The following WWC1 variants were observed in gnomAD, a reference collection of about 807,000 sequenced individuals.
WWC1 encodes protein KIBRA.
WWC1 carries 55 observed loss-of-function variants against 138.4 expected under a neutral mutation model. The observed-to-expected ratio is 0.40, with a 90% CI of 0.32 to 0.50. The LOEUF (loss-of-function observed/expected upper bound fraction) is 0.50, where lower values mean the gene tolerates loss of function less well. Among genes scored for constraint, WWC1 ranks in the 20% least tolerant of loss-of-function variants. WWC1 has a pLI of 0.72. For missense variants in WWC1, 1,226 were observed against 1,420.4 expected (o/e 0.86, Z 2.20); for synonymous variants, 524 against 564.9 (o/e 0.93, Z 1.03).
chr5:168,428,154 G>GT lies in WWC1; in HGVS notation c.1919+14dup. 6.2e-7 allele frequency: 1 copy of GT among 1,609,900 alleles called. No homozygotes were observed. Among genetic ancestry groups the GT allele is most frequent in the Non-Finnish European group, 8.5e-7 (1 of 1,176,926 alleles). ...CTTCCGTGCAGAGGTAGGTGTCTGG[G>GT]TGCTGGCTCTCTCTGTGGCCCTGTA... is the stretch of plus-strand genomic sequence containing the variant. On this transcript the variant is annotated intron_variant, in intron 12 of 22. Coordinates refer to ENST00000265293, the MANE Select transcript of WWC1 (RefSeq NM_015238.3).
At position 168,423,598 on chromosome 5, in the gene WWC1, G is replaced by A; in HGVS notation, c.1340G>A (p.Gly447Asp). 6.2e-7 allele frequency: 1 copy of A among 1,614,068 alleles called. No homozygotes were observed. The highest frequency in any genetic ancestry group is 8.5e-7 in the Non-Finnish European group (1 of 1,180,008). Residue 447 changes from glycine to aspartate, a missense_variant, in exon 11 of 23, where the codon GGC becomes GAC. Transcript: ENST00000265293. ...SSPGSLTSSRGSLVASSLDSS... is the reference protein window; with the variant it reads ...SSPGSLTSSRDSLVASSLDSS... ...CCCGGATCCCTCACGTCCAGCCGGG[G>A]CTCCCTGGTTGCATCCAGCCTGGAC...
At chr5:168,302,163 C>G (rs1770145766) in intron 1 of WWC1, among the ~76,000 whole-genome samples, 1 of 152,208 alleles carries the variant, frequency 6.6e-6, no homozygotes, top group Non-Finnish European at 1.5e-5. Flanking sequence ...GCTTTGATAT[C>G]ATGTCCCCTC....
chr5:168,312,782 A>T (rs1414087011), intron 1 of WWC1, among the ~76,000 whole-genome samples: 1 of 149,364 alleles, frequency 6.7e-6, no homozygotes, highest in Non-Finnish European at 1.5e-5. Context: ...CTGCCCACTC[A>T]GGGTAGGTCA....
At chr5:168,340,736 T>G (rs1773974032) in intron 1 of WWC1, among the ~76,000 whole-genome samples, 1 of 152,258 alleles carries the variant, frequency 6.6e-6, no homozygotes, top group Non-Finnish European at 1.5e-5. Context: ...CATTCATCAG[T>G]TTGTGGATAT....
At chr5:168,320,917 C>T (rs748740138) in intron 1 of WWC1, among the ~76,000 whole-genome samples, 3 of 152,076 alleles carry the variant, frequency 2.0e-5, no homozygotes, top group Non-Finnish European at 2.9e-5. Flanking sequence ...GGGAATGGAG[C>T]GGAAAGGTAG....
chr5:168,301,809 C>A (rs1341277497), intron 1 of WWC1, among the ~76,000 whole-genome samples: 1 of 152,082 alleles, frequency 6.6e-6, no homozygotes, highest in Non-Finnish European at 1.5e-5. Context: ...CCAGTTAGGC[C>A]AACCTACCCT....
intron 1 of WWC1, among the ~76,000 whole-genome samples, chr5:168,345,628 C>T (rs866862209): frequency 1.3e-5 from 2 of 152,168 alleles, no homozygotes; most frequent in African/African-American, 4.8e-5. Flanking sequence ...CTAAGACATC[C>T]AGCAGACCCA....
rs1175949905 is a variant in WWC1, at chr5:168,408,592, C to T, written c.806C>T (p.Ser269Leu). The T allele has an allele frequency of 5.0e-6, 8 of 1,614,152 alleles. No individual in the cohort carries two copies. Among genetic ancestry groups the T allele is most frequent in the Middle Eastern group, 1.6e-4 (1 of 6,062 alleles). Residue 269 changes from serine to leucine, a missense_variant, in exon 7 of 23, where the codon TCG becomes TTG. Physicochemically the swap from Ser to Leu is moderately radical, Grantham distance 145 (BLOSUM62 -2). Around this residue, in one of 3 missense-constraint regions of WWC1, gnomAD observed 1,016 missense variants for 1,153.9 expected, o/e 0.88. Coordinates refer to ENST00000265293, the MANE Select transcript of WWC1 (RefSeq NM_015238.3). The stretch of plus-strand genomic sequence containing the variant: ...TCCAGCAGCAGCTCTCTGGAGAGTT[C>T]GAGTTTCCCGCTACCGAAACAGTAC... The part of the protein sequence containing the change: ...LWSSSSSLES[S>L]SFPLPKQYLD...
In WWC1 at chr5:168,292,561, C is replaced by G. The variant is rs544824533; in HGVS notation, c.119+290C>G. On this transcript the variant is annotated intron_variant, in intron 1 of 22. Transcript: ENST00000265293. This position sits in a 1 kb window ranked among gnomAD's most constrained non-coding sequence, Gnocchi z 4.4. ...ACCTGCCCGGAGTTTTGACCTTAAG[C>G]TCTAGCCCCGCCCGCCCCCTTTAGG... Among the ~76,000 whole-genome samples, 29 of 152,122 alleles carry G rather than the reference C, an allele frequency of 1.9e-4. No homozygotes were observed. In the East Asian group the frequency reaches 5.7e-3, roughly 30 times the overall value.
chr5:168,371,338 A>G, intron 1 of WWC1, 86 bp from the exon 2 acceptor site: 1 of 960,094 alleles, frequency 1.0e-6, no homozygotes, highest in Non-Finnish European at 1.6e-6. Context: ...GCCAGCCCAG[A>G]AAAGCAGGAG....
At chr5:168,420,420 C>T (rs2152849525) in intron 9 of WWC1, among the ~76,000 whole-genome samples, 1 of 152,242 alleles carries the variant, frequency 6.6e-6, no homozygotes, top group Non-Finnish European at 1.5e-5. Flanking sequence ...CCTCATTTTA[C>T]CTTAATTACT....
At chr5:168,308,537 T>C (rs1262454961) in intron 1 of WWC1, among the ~76,000 whole-genome samples, 2 of 152,202 alleles carry the variant, frequency 1.3e-5, no homozygotes, top group Non-Finnish European at 2.9e-5. Flanking sequence ...GCAATGTTTT[T>C]TTCTTGACCT....
Position 168,292,688 on chromosome 5 carries a change from G to T in WWC1, c.119+417G>T, listed in dbSNP as rs968941131. On this transcript the variant is annotated intron_variant, in intron 1 of 22. Transcript: ENST00000265293. The surrounding 1 kb of genome is among the most constrained non-coding windows in gnomAD (Gnocchi z 4.4). ...ACCCAGCGTGGGGGGTGGGCGGATG[G>T]GGATGGGGAAGTGTCCGGTTAGAGG... 1.3e-5 allele frequency among the ~76,000 whole-genome samples: 2 copies of T among 152,180 alleles called. No individual in the cohort carries two copies. Among genetic ancestry groups the T allele is most frequent in the African/African-American group, 4.8e-5 (2 of 41,436 alleles).
At chr5:168,320,256 A>G (rs1036274124) in intron 1 of WWC1, among the ~76,000 whole-genome samples, 2 of 152,096 alleles carry the variant, frequency 1.3e-5, no homozygotes, top group African/African-American at 4.8e-5. Flanking sequence ...GTTGGTTTCA[A>G]ACTCCTGACC....
chr5:168,423,146 C>CG (rs1387715563), intron 10 of WWC1, among the ~76,000 whole-genome samples: 3 of 88,948 alleles, frequency 3.4e-5, no homozygotes, highest in African/African-American at 9.0e-5. Flanking sequence ...CTCCATCCCC[C>CG]CCCAAAAAAA....
chr5:168,356,191 T>C (rs999860408), intron 1 of WWC1, among the ~76,000 whole-genome samples: 1 of 152,258 alleles, frequency 6.6e-6, no homozygotes, highest in Admixed American at 6.5e-5. Flanking sequence ...TTCTGCCGAC[T>C]AGATTCATTA....
At chr5:168,402,940 T>A (rs1779416897) in intron 5 of WWC1, among the ~76,000 whole-genome samples, 1 of 152,150 alleles carries the variant, frequency 6.6e-6, no homozygotes, top group African/African-American at 2.4e-5. Flanking sequence ...CCAGGATAAC[T>A]TTGACCACAT....
At chr5:168,458,555 T>G (rs1756527697) in intron 19 of WWC1, among the ~76,000 whole-genome samples, 2 of 152,158 alleles carry the variant, frequency 1.3e-5, no homozygotes, top group South Asian at 4.1e-4. Context: ...GAATTACCCT[T>G]CCTACAGCTC....
At chr5:168,361,938 C>T (rs1438661236) in intron 1 of WWC1, among the ~76,000 whole-genome samples, 1 of 152,050 alleles carries the variant, frequency 6.6e-6, no homozygotes, top group Non-Finnish European at 1.5e-5. Flanking sequence ...AAAAAATTAG[C>T]CGGGCATGGT....
Sources: allele counts gnomAD v4.1 joint callset (sites outside exome capture counted in the v4.1 genomes callset), GRCh38; gene constraint gnomAD v4.1.1; regional missense constraint gnomAD v4.1.1; non-coding constraint Gnocchi (gnomAD v3.1); transcripts MANE v1.5; gene names NCBI Gene and HGNC (gene_info 2026-07-23, HGNC 2026-07-21).